Variants in OTUD7A observed in about 807,000 individuals in gnomAD.
The protein encoded by OTUD7A is OTU domain-containing protein 7A.
In OTUD7A, 12 loss-of-function variants were observed where a neutral mutation model predicts 65.7. The ratio of observed to expected loss-of-function variants is 0.18; its 90% CI spans 0.12 to 0.30. OTUD7A has a LOEUF of 0.30. Among genes scored for constraint, OTUD7A ranks in the 10% least tolerant of loss-of-function variants. The pLI is 1.00. For missense variants in OTUD7A, 1,148 were observed against 1,304.8 expected, an observed-to-expected ratio of 0.88 and a Z score of 1.85; for synonymous variants, 641 against 586.3, an observed-to-expected ratio of 1.09 and a Z score of -1.35.
rs190963507 is a variant in OTUD7A at position 31,641,906 on chromosome 15, T to C, written c.151+13190A>G. Among the ~76,000 whole-genome samples the C allele has an allele frequency of 7.6e-4, 115 of 152,316 alleles. 1 individual carries two copies. Among genetic ancestry groups the C allele is most frequent in the Non-Finnish European group, 1.0e-3 (70 of 68,024 alleles). ...TTCCAATCTGGGTGCTTTTTAATTA[T>C]AATTTATTGTTTGACTGCACTGGCC... On this transcript the variant is annotated intron_variant, in intron 3 of 12. Transcript: ENST00000307050.
chr15:31,669,202 C>T (rs1464491182), intron 1 of OTUD7A, among the ~76,000 whole-genome samples: 1 of 152,146 alleles, frequency 6.6e-6, no homozygotes, highest in East Asian at 1.9e-4. Flanking sequence ...GTGGGTGGGG[C>T]CCTAGAACTC....
At chr15:31,797,834 G>C (rs898419597) in intron 1 of OTUD7A, among the ~76,000 whole-genome samples, 1 of 152,220 alleles carries the variant, frequency 6.6e-6, no homozygotes, top group Non-Finnish European at 1.5e-5. Flanking sequence ...GTTATGGAAC[G>C]TTGTATTAGT....
At chr15:31,504,502 C>T (rs1200316336) in intron 8 of OTUD7A, among the ~76,000 whole-genome samples, 2 of 152,196 alleles carry the variant, frequency 1.3e-5, no homozygotes, top group Non-Finnish European at 2.9e-5. Context: ...GTGGCAGCCT[C>T]GATGTCCCCC....
intron 8 of OTUD7A, among the ~76,000 whole-genome samples, chr15:31,512,320 C>T (rs905257038): frequency 4.6e-5 from 7 of 152,166 alleles, no homozygotes; most frequent in South Asian, 2.1e-4. Flanking sequence ...CAGAGGAGCA[C>T]GCTCCCTTAT....
intron 3 of OTUD7A, among the ~76,000 whole-genome samples, chr15:31,638,760 T>C (rs556424666): frequency 1.2e-4 from 18 of 152,268 alleles, no homozygotes; most frequent in Admixed American, 3.9e-4. Flanking sequence ...GCTATATTTA[T>C]TGCAGTGGTC....
intron 1 of OTUD7A, among the ~76,000 whole-genome samples, chr15:31,714,161 C>CA (rs907213102): frequency 3.3e-5 from 5 of 149,364 alleles, no homozygotes; most frequent in African/African-American, 1.2e-4. Context: ...ACCTGTGCAC[C>CA]AAAAAATACA....
intron 1 of OTUD7A, among the ~76,000 whole-genome samples, chr15:31,678,981 C>T (rs1477298206): frequency 6.6e-6 from 1 of 152,218 alleles, no homozygotes; most frequent in Non-Finnish European, 1.5e-5. Flanking sequence ...CCCTGCAATA[C>T]CACAGGGATG....
At chr15:31,662,622 T>C (rs1892197377) in intron 1 of OTUD7A, among the ~76,000 whole-genome samples, 1 of 152,192 alleles carries the variant, frequency 6.6e-6, no homozygotes, top group African/African-American at 2.4e-5. Context: ...CAAAGAACTA[T>C]GAGTCTTTTT....
At chr15:31,653,017 G>A (rs1270359492) in intron 3 of OTUD7A, among the ~76,000 whole-genome samples, 1 of 152,128 alleles carries the variant, frequency 6.6e-6, no homozygotes, top group Non-Finnish European at 1.5e-5. Flanking sequence ...TTGGGAGGCT[G>A]AGGCGGGCAG....
intron 3 of OTUD7A, among the ~76,000 whole-genome samples, chr15:31,574,416 A>G (rs1470031272): frequency 1.3e-5 from 2 of 152,226 alleles, no homozygotes; most frequent in Non-Finnish European, 2.9e-5. Context: ...AAAAAGAAAG[A>G]TGAATCATTT....
At chr15:31,829,969 C>A (rs766239931) in intron 1 of OTUD7A, among the ~76,000 whole-genome samples, 5 of 152,148 alleles carry the variant, frequency 3.3e-5, no homozygotes, top group African/African-American at 1.2e-4. Flanking sequence ...TTCTCATGCC[C>A]ACCTGTTCCT....
intron 3 of OTUD7A, among the ~76,000 whole-genome samples, chr15:31,584,455 A>C (rs1293224476): frequency 6.6e-6 from 1 of 152,220 alleles, no homozygotes; most frequent in Non-Finnish European, 1.5e-5. Flanking sequence ...TCAACAAAGC[A>C]GCCTCTGCTC....
intron 1 of OTUD7A, among the ~76,000 whole-genome samples, chr15:31,736,558 G>A (rs937346089): frequency 1.3e-5 from 2 of 152,026 alleles, no homozygotes; most frequent in Non-Finnish European, 2.9e-5. Context: ...GGGAGTGTAC[G>A]CCTCACACTG....
At chr15:31,749,955 C>T (rs774188087) in intron 1 of OTUD7A, among the ~76,000 whole-genome samples, 14 of 152,058 alleles carry the variant, frequency 9.2e-5, no homozygotes, top group Non-Finnish European at 1.6e-4. Flanking sequence ...GAACACAATG[C>T]CATTTACAAT....
At chr15:31,555,343 AT>A (rs1238006648) in intron 5 of OTUD7A, among the ~76,000 whole-genome samples, 1 of 152,124 alleles carries the variant, frequency 6.6e-6, no homozygotes, top group African/African-American at 2.4e-5. Flanking sequence ...TTACTAAATA[AT>A]TTTTTGACAT....
chr15:31,743,747 AAAAGAAAAG>A (rs1211475468), intron 1 of OTUD7A, among the ~76,000 whole-genome samples: 26 of 98,144 alleles, frequency 2.6e-4, no homozygotes, highest in East Asian at 6.8e-4. Context: ...TCTCAAAAAA[AAAAGAAAAG>A]AAAAGAAAAG....
At chr15:31,730,287 T>C (rs1894004734) in intron 1 of OTUD7A, among the ~76,000 whole-genome samples, 1 of 152,222 alleles carries the variant, frequency 6.6e-6, no homozygotes, top group Non-Finnish European at 1.5e-5. Flanking sequence ...TATTCTGTGA[T>C]AGCAGCCCAC....
intron 3 of OTUD7A, among the ~76,000 whole-genome samples, chr15:31,631,255 C>T (rs1424657665): frequency 6.6e-6 from 1 of 152,156 alleles, no homozygotes; most frequent in African/African-American, 2.4e-5. Flanking sequence ...TTAAGTTCTT[C>T]CTTTAAGAGC....
chr15:31,551,279 G>T (rs1056688140), intron 5 of OTUD7A, among the ~76,000 whole-genome samples: 1 of 152,214 alleles, frequency 6.6e-6, no homozygotes, highest in Non-Finnish European at 1.5e-5. Context: ...ATAAAGGTGT[G>T]CTCCATACAA....
Sources: gnomAD v4.1 joint callset for allele counts (sites outside exome capture counted in the v4.1 genomes callset) on GRCh38, gnomAD v4.1.1 for gene constraint, MANE v1.5 for transcripts, NCBI Gene and HGNC (gene_info 2026-07-23, HGNC 2026-07-21) for gene names.